The following NPR3 variants were observed in gnomAD, a reference collection of about 807,000 sequenced individuals.
NPR3 encodes the protein natriuretic peptide receptor 3.
A neutral mutation model predicts 54.5 loss-of-function variants in NPR3; 34 were observed. The ratio of observed to expected loss-of-function variants is 0.62; its 90% CI spans 0.47 to 0.83. NPR3 has a LOEUF of 0.83. NPR3 is among the 40% of genes least tolerant of loss of function. The pLI is 0.00. For missense variants in NPR3, 674 were observed against 720.8 expected, an observed-to-expected ratio of 0.94 and a Z score of 0.74; for synonymous variants, 289 against 297.1, an observed-to-expected ratio of 0.97 and a Z score of 0.28.
intron 3 of NPR3, among the ~76,000 whole-genome samples, chr5:32,768,173 C>T (rs1165936105): frequency 3.3e-5 from 5 of 152,134 alleles, no homozygotes; most frequent in African/African-American, 4.8e-5. Flanking sequence ...GCATGTGTCC[C>T]GAGCAGTCTT....
At chr5:32,731,807 T>C (rs1193551898) in intron 2 of NPR3, among the ~76,000 whole-genome samples, 2 of 152,124 alleles carry the variant, frequency 1.3e-5, no homozygotes, top group Non-Finnish European at 2.9e-5. Flanking sequence ...GTTGTAGTGA[T>C]TTTAAACAAA....
intron 1 of NPR3, among the ~76,000 whole-genome samples, chr5:32,714,058 C>G (rs1472647415): frequency 6.6e-6 from 1 of 152,276 alleles, no homozygotes; most frequent in Non-Finnish European, 1.5e-5. Flanking sequence ...TTACTGCAGC[C>G]TCCACGGGGG....
At chr5:32,735,992 A>G (rs562705882) in intron 2 of NPR3, among the ~76,000 whole-genome samples, 1 of 152,278 alleles carries the variant, frequency 6.6e-6, no homozygotes, top group South Asian at 2.1e-4. Flanking sequence ...ACACTTTGGG[A>G]GGCCGAGGCA....
chr5:32,768,892 T>G (rs1340891049), intron 3 of NPR3, among the ~76,000 whole-genome samples: 2 of 152,184 alleles, frequency 1.3e-5, no homozygotes, highest in Non-Finnish European at 2.9e-5. Flanking sequence ...CAGAGATGCT[T>G]CCACTATGCA....
chr5:32,781,164 T>A (rs1742320742), intron 5 of NPR3, among the ~76,000 whole-genome samples: 2 of 152,094 alleles, frequency 1.3e-5, no homozygotes, highest in African/African-American at 4.8e-5. Flanking sequence ...CAATGTGTGT[T>A]AACATTTCCA....
chr5:32,713,448 C>G, intron 1 of NPR3: 3 of 985,446 alleles, frequency 3.0e-6, no homozygotes, highest in Non-Finnish European at 3.6e-6. Flanking sequence ...AGGGTAGAAT[C>G]TGAGGGAAGG....
At chr5:32,771,512 G>A (rs1488675601) in intron 3 of NPR3, among the ~76,000 whole-genome samples, 9 of 152,188 alleles carry the variant, frequency 5.9e-5, no homozygotes, top group African/African-American at 1.9e-4. Flanking sequence ...TGTAGCGGGG[G>A]CAGCTCAGAG....
chr5:32,696,252 GGTGTCCTTTCCCTAAT>G (rs1447468518), intron 1 of NPR3, among the ~76,000 whole-genome samples: 1 of 152,086 alleles, frequency 6.6e-6, no homozygotes, highest in Non-Finnish European at 1.5e-5. Context: ...TATTGAAAAG[GGTGTCCTTTCCCTAAT>G]GGATGTTCTT....
At chr5:32,727,602 A>C (rs769296300) in intron 2 of NPR3, among the ~76,000 whole-genome samples, 57 of 152,012 alleles carry the variant, frequency 3.7e-4, no homozygotes, top group Non-Finnish European at 6.2e-4. Context: ...TATATTGTGC[A>C]TTATTCTTGC....
At chr5:32,731,153 G>C (rs1739429506) in intron 2 of NPR3, among the ~76,000 whole-genome samples, 1 of 152,156 alleles carries the variant, frequency 6.6e-6, no homozygotes, top group Non-Finnish European at 1.5e-5. Context: ...CTTATTGCTG[G>C]TGATGTTTGG....
upstream of NPR3, chr5:32,710,892 A>ATGTG (rs1172730482): frequency 9.4e-6 from 8 of 850,186 alleles, no homozygotes; most frequent in African/African-American, 1.3e-4. Flanking sequence ...GTGTGTGTGT[A>ATGTG]TATGTGTGTG....
intron 3 of NPR3, among the ~76,000 whole-genome samples, chr5:32,758,513 C>T (rs1384739471): frequency 6.6e-6 from 1 of 152,060 alleles, no homozygotes; most frequent in Non-Finnish European, 1.5e-5. Context: ...ATTAGTCTTG[C>T]TAGTGGTCTA....
At position 32,787,669 on chromosome 5, in the gene NPR3, G is replaced by A. The variant is rs1579720228; in HGVS notation, c.*1324G>A. 1.3e-5 allele frequency: 2 copies of A among 152,290 alleles called. No homozygotes were observed. The highest frequency in any genetic ancestry group is 1.5e-5 in the Non-Finnish European group (1 of 68,028). 9.4% of individuals were successfully genotyped at this position (152,290 alleles called of 1,614,324 possible). ...CATGAATACCTGTAATAGTGGGTTA[G>A]GTGTGGAGATAAGGAATTTGGACAA... On this transcript the variant is annotated 3_prime_UTR_variant, in exon 8 of 8. Coordinates refer to ENST00000265074, the MANE Select transcript of NPR3 (RefSeq NM_001204375.2).
rs886813644 is a variant in NPR3, at chr5:32,741,601, C to A, written c.1059+2571C>A. 7.2e-5 allele frequency among the ~76,000 whole-genome samples: 11 copies of A among 152,070 alleles called. 1 individual carries two copies. Among genetic ancestry groups the A allele is most frequent in the Admixed American group, 5.9e-4 (9 of 15,270 alleles). ...AGAGCACTTTAGAGATTATTTGCAG[C>A]CCTAGATTACCATACTGCTTCCCTC... On this transcript the variant is annotated intron_variant, in intron 3 of 7. Transcript: ENST00000265074.
At chr5:32,706,431 A>G (rs924013729), upstream of NPR3, among the ~76,000 whole-genome samples, 1 of 152,252 alleles carries the variant, frequency 6.6e-6, no homozygotes, top group Non-Finnish European at 1.5e-5. Context: ...AGCAGTGGCT[A>G]CCAAGAGGTG....
intron 3 of NPR3, among the ~76,000 whole-genome samples, chr5:32,747,177 C>A (rs569566318): frequency 1.3e-5 from 2 of 152,236 alleles, no homozygotes; most frequent in Non-Finnish European, 2.9e-5. Flanking sequence ...TGTTTCTCTC[C>A]ACATTTCTAA....
chr5:32,782,796 T>C (rs1256576902), intron 5 of NPR3, 97 bp from the exon 6 acceptor site: 5 of 1,196,272 alleles, frequency 4.2e-6, no homozygotes, highest in Non-Finnish European at 5.8e-6. Flanking sequence ...CCAGTTTAGA[T>C]CAGGCTGTAC....
At chr5:32,743,959 C>CA (rs1740162590) in intron 3 of NPR3, among the ~76,000 whole-genome samples, 1 of 148,408 alleles carries the variant, frequency 6.7e-6, no homozygotes, top group Non-Finnish European at 1.5e-5. Context: ...ACTAGTGAAC[C>CA]AAGGGGAAAT....
chr5:32,757,346 A>G (rs1436788152), intron 3 of NPR3, among the ~76,000 whole-genome samples: 2 of 152,036 alleles, frequency 1.3e-5, no homozygotes, highest in Admixed American at 1.3e-4. Context: ...ATTCCTAGGT[A>G]TTTTATTCTC....
Sources: gnomAD v4.1 joint callset for allele counts (sites outside exome capture counted in the v4.1 genomes callset) on GRCh38, gnomAD v4.1.1 for gene constraint, MANE v1.5 for transcripts, NCBI Gene and HGNC (gene_info 2026-07-23, HGNC 2026-07-21) for gene names.